BCAT1: variants seen among roughly 807,000 people sequenced by gnomAD.
BCAT1 encodes branched-chain-amino-acid aminotransferase, cytosolic.
BCAT1 carries 48 observed loss-of-function variants against 52.4 expected under a neutral mutation model. The ratio of observed to expected loss-of-function variants is 0.92; its 90% CI spans 0.73 to 1.16. BCAT1 has a LOEUF of 1.16. BCAT1 is among the 50% of genes most tolerant of loss of function. The pLI, the probability that BCAT1 is intolerant of heterozygous loss-of-function variation, is 0.00. For missense variants in BCAT1, 451 were observed against 457.1 expected, an observed-to-expected ratio of 0.99 and a Z score of 0.12; for synonymous variants, 167 against 161.3, an observed-to-expected ratio of 1.04 and a Z score of -0.27.
chr12:24,910,559 G>A (rs1484752795), intron 1 of BCAT1, among the ~76,000 whole-genome samples: 1 of 152,100 alleles, frequency 6.6e-6, no homozygotes, highest in East Asian at 1.9e-4. Flanking sequence ...CCCAAAAATA[G>A]GGATAAAAGG....
chr12:24,943,111 C>T (rs1943872434), intron 1 of BCAT1, among the ~76,000 whole-genome samples: 2 of 152,208 alleles, frequency 1.3e-5, no homozygotes, highest in Non-Finnish European at 2.9e-5. Context: ...CTCTATTGTC[C>T]TGGCTTTAAT....
Position 24,842,104 on chromosome 12 carries a change from A to G in BCAT1, c.795T>C (p.Leu265=). 4 of 1,613,870 alleles carry G rather than the reference A, an allele frequency of 2.5e-6. No homozygotes were observed. Among genetic ancestry groups the G allele is most frequent in the Non-Finnish European group, 3.4e-6 (4 of 1,179,820 alleles). Residue 265 remains leucine (L), a synonymous_variant, in exon 7 of 11, where the codon CTT becomes CTC. Coordinates refer to ENST00000261192, the MANE Select transcript of BCAT1 (RefSeq NM_005504.7). ...ITEVGTMNLF[L]YWINEDGEEE... is the part of the protein sequence containing the mutation. ...TACCTCCATCTTCATTTATCCAGTAAAGAAAAAGATTCATAGTTCCCACTT... is the reference window on the plus strand; with the variant it reads ...TACCTCCATCTTCATTTATCCAGTAGAGAAAAAGATTCATAGTTCCCACTT...
intron 6 of BCAT1, among the ~76,000 whole-genome samples, chr12:24,842,752 C>T (rs1335515463): frequency 6.6e-6 from 1 of 151,954 alleles, no homozygotes; most frequent in Non-Finnish European, 1.5e-5. Flanking sequence ...TCTAAATTCC[C>T]CTAAAAGATA....
At chr12:24,890,187 CAG>C (rs1942796931) in intron 3 of BCAT1, among the ~76,000 whole-genome samples, 1 of 152,196 alleles carries the variant, frequency 6.6e-6, no homozygotes, top group Admixed American at 6.5e-5. Flanking sequence ...GCCTCTCAGT[CAG>C]ACATTCCAGA....
intron 5 of BCAT1, among the ~76,000 whole-genome samples, chr12:24,851,343 T>C (rs1941504694): frequency 6.6e-6 from 1 of 152,188 alleles, no homozygotes. Context: ...TCTGGAGGGA[T>C]ATTTTTATCT....
At chr12:24,927,571 A>C (rs576924821) in intron 1 of BCAT1, among the ~76,000 whole-genome samples, 2 of 152,250 alleles carry the variant, frequency 1.3e-5, no homozygotes, top group Non-Finnish European at 2.9e-5. Context: ...AATGGGAAAC[A>C]TGATAATGAG....
intron 1 of BCAT1, among the ~76,000 whole-genome samples, chr12:24,925,473 T>C (rs576514105): frequency 5.6e-4 from 86 of 152,274 alleles, no homozygotes; most frequent in South Asian, 2.5e-3. Context: ...GATAAAGATA[T>C]AAATATAGAT....
intron 7 of BCAT1, among the ~76,000 whole-genome samples, chr12:24,838,068 T>A (rs1565455576): frequency 6.6e-6 from 1 of 152,058 alleles, no homozygotes; most frequent in Non-Finnish European, 1.5e-5. Context: ...GGAGTCTGAA[T>A]CTAGTGAGTC....
Position 24,813,304 on chromosome 12 carries a change from T to G in BCAT1, c.*4704A>C, listed in dbSNP as rs1156656153. 2 of 152,052 alleles carry G rather than the reference T, an allele frequency of 1.3e-5. No homozygotes were observed. The highest frequency in any genetic ancestry group is 2.9e-5 in the Non-Finnish European group (2 of 67,910). 9.4% of individuals were successfully genotyped at this position (152,052 alleles called of 1,614,324 possible). The stretch of plus-strand genomic sequence containing the variant: ...CACCTTTGAATCTTTAAAAGGGGTT[T>G]GTGGTAATGATAAAAAATTTATCTC... On this transcript the variant is annotated 3_prime_UTR_variant, in exon 11 of 11. Coordinates refer to ENST00000261192, the MANE Select transcript of BCAT1 (RefSeq NM_005504.7).
chr12:24,844,492 A>G (rs2139442349), intron 6 of BCAT1, among the ~76,000 whole-genome samples: 1 of 152,336 alleles, frequency 6.6e-6, no homozygotes, highest in East Asian at 1.9e-4. Flanking sequence ...TGCAACTGAA[A>G]GAATATTGAC....
At chr12:24,906,494 G>C (rs369547666) in intron 1 of BCAT1, among the ~76,000 whole-genome samples, 1 of 80,920 alleles carries the variant, frequency 1.2e-5, no homozygotes, top group Admixed American at 1.3e-4. Flanking sequence ...GTGCGAAAGA[G>C]AATCTCTATG....
chr12:24,894,012 T>C (rs1233680395), intron 3 of BCAT1, among the ~76,000 whole-genome samples: 2 of 152,214 alleles, frequency 1.3e-5, no homozygotes, highest in Admixed American at 1.3e-4. Flanking sequence ...TAATTGCCAA[T>C]TTTCCCACCA....
chr12:24,944,567 T>C (rs951759109), intron 1 of BCAT1, among the ~76,000 whole-genome samples: 3 of 152,232 alleles, frequency 2.0e-5, no homozygotes, highest in Non-Finnish European at 4.4e-5. Context: ...TGTAATCCTA[T>C]GTCCCAGGCT....
chr12:24,889,997 G>C (rs1457198977), intron 3 of BCAT1, among the ~76,000 whole-genome samples: 1 of 152,130 alleles, frequency 6.6e-6, no homozygotes, highest in Non-Finnish European at 1.5e-5. Flanking sequence ...CACACCCCGG[G>C]AGGGCATGGA....
chr12:24,910,237 C>T (rs2139700033), intron 1 of BCAT1, among the ~76,000 whole-genome samples: 1 of 152,080 alleles, frequency 6.6e-6, no homozygotes, highest in Middle Eastern at 3.4e-3. Context: ...ATTAGCTGGG[C>T]TTGATGGCGG....
chr12:24,913,050 T>C (rs574634639), intron 1 of BCAT1, among the ~76,000 whole-genome samples: 1 of 152,324 alleles, frequency 6.6e-6, no homozygotes, highest in South Asian at 2.1e-4. Flanking sequence ...TGGACAGTTT[T>C]TGTTTTGTTT....
intron 1 of BCAT1, chr12:24,903,765 G>A (rs1198867086): frequency 6.6e-6 from 1 of 152,194 alleles, no homozygotes; most frequent in East Asian, 1.9e-4. Context: ...AAGAGGACTG[G>A]AAAAGTGATG....
chr12:24,877,179 C>T (rs1942372076), intron 5 of BCAT1, among the ~76,000 whole-genome samples: 1 of 152,182 alleles, frequency 6.6e-6, no homozygotes, highest in African/African-American at 2.4e-5. Context: ...TGCATTCATA[C>T]AGCCTAGTAG....
At chr12:24,917,325 C>T (rs1943431763) in intron 1 of BCAT1, among the ~76,000 whole-genome samples, 1 of 151,976 alleles carries the variant, frequency 6.6e-6, no homozygotes, top group African/African-American at 2.4e-5. Context: ...ACTACAGGCG[C>T]CCGCCACCAC....
Sources: allele counts gnomAD v4.1 joint callset (sites outside exome capture counted in the v4.1 genomes callset), GRCh38; gene constraint gnomAD v4.1.1; transcripts MANE v1.5; gene names NCBI Gene and HGNC (gene_info 2026-07-23, HGNC 2026-07-21).